Variants in ARMH3 observed in about 807,000 individuals in gnomAD.
ARMH3 encodes the protein armadillo like helical domain containing 3.
A neutral mutation model predicts 99.1 loss-of-function variants in ARMH3; 60 were observed. The ratio of observed to expected loss-of-function variants is 0.61; its 90% CI spans 0.49 to 0.75. The LOEUF is 0.75. Ranked by LOEUF, ARMH3 falls within the 30% of genes least tolerant of loss-of-function variation. The pLI is 0.00. For missense variants in ARMH3, 679 were observed against 843.1 expected (o/e 0.81, Z 2.41); for synonymous variants, 285 against 292.8 (o/e 0.97, Z 0.27).
intron 20 of ARMH3, among the ~76,000 whole-genome samples, chr10:101,963,027 T>C (rs1274086571): frequency 6.6e-6 from 1 of 150,904 alleles, no homozygotes; most frequent in Non-Finnish European, 1.5e-5. Context: ...TGAAGTGCAG[T>C]GGCATGATCT....
chr10:101,957,567 GACC>G (rs911327256), intron 21 of ARMH3, 80 bp downstream of exon 21: 10 of 1,461,596 alleles, frequency 6.8e-6, no homozygotes, highest in Non-Finnish European at 9.2e-6. Context: ...TTAGTCCCCA[GACC>G]ACCAGCTCCT....
chr10:101,867,009 G>T (rs1472170599), intron 24 of ARMH3, among the ~76,000 whole-genome samples: 2 of 152,212 alleles, frequency 1.3e-5, no homozygotes, highest in Non-Finnish European at 2.9e-5. Context: ...ACATTTATTA[G>T]TAAGGAAGGA....
intron 22 of ARMH3, among the ~76,000 whole-genome samples, chr10:101,954,986 T>A (rs1037396287): frequency 6.6e-6 from 1 of 152,204 alleles, no homozygotes; most frequent in Non-Finnish European, 1.5e-5. Context: ...TCTTTCCTTT[T>A]CTCGTTGAAA....
At chr10:101,869,113 G>A (rs1302239441) in intron 24 of ARMH3, among the ~76,000 whole-genome samples, 1 of 151,536 alleles carries the variant, frequency 6.6e-6, no homozygotes, top group Non-Finnish European at 1.5e-5. Context: ...GTCAATAGTA[G>A]GCTATTAGCA....
chr10:101,892,944 T>C (rs2067729256), intron 23 of ARMH3, among the ~76,000 whole-genome samples: 1 of 152,210 alleles, frequency 6.6e-6, no homozygotes, highest in Admixed American at 6.5e-5. Context: ...AGATAATATC[T>C]GCAAGTTAAG....
intron 14 of ARMH3, among the ~76,000 whole-genome samples, chr10:102,005,184 G>A (rs966505401): frequency 1.3e-5 from 2 of 151,932 alleles, no homozygotes; most frequent in Non-Finnish European, 2.9e-5. Flanking sequence ...GCAACAGTGC[G>A]AGACTCCGTC....
chr10:101,985,120 T>C (rs924218967), intron 19 of ARMH3, among the ~76,000 whole-genome samples: 47 of 149,538 alleles, frequency 3.1e-4, no homozygotes, highest in African/African-American at 1.1e-3. Flanking sequence ...CACGTGTACA[T>C]ATATATACAC....
chr10:101,952,557 G>A (rs1844839987), intron 22 of ARMH3: 1 of 151,934 alleles, frequency 6.6e-6, no homozygotes, highest in South Asian at 2.1e-4. Flanking sequence ...GAAAAGAAAA[G>A]AAAAGAAAGA....
chr10:101,856,181 G>A (rs1019144038), intron 24 of ARMH3, among the ~76,000 whole-genome samples: 3 of 152,048 alleles, frequency 2.0e-5, no homozygotes, highest in Non-Finnish European at 4.4e-5. Context: ...GCTCCTTAGG[G>A]CTCCAGGGTT....
chr10:101,994,540 T>G (rs140318984), intron 16 of ARMH3, among the ~76,000 whole-genome samples: 2 of 152,224 alleles, frequency 1.3e-5, no homozygotes, highest in Non-Finnish European at 2.9e-5. Context: ...CATGCCTGTG[T>G]GTCACCAAGA....
intron 1 of ARMH3, among the ~76,000 whole-genome samples, chr10:102,042,133 CAT>C (rs1368039938): frequency 1.3e-5 from 2 of 152,194 alleles, no homozygotes; most frequent in African/African-American, 4.8e-5. Flanking sequence ...CTCCATTCAA[CAT>C]GTCTTTTAAA....
intron 14 of ARMH3, among the ~76,000 whole-genome samples, chr10:102,002,733 G>C (rs1203196302): frequency 6.6e-6 from 1 of 151,964 alleles, no homozygotes; most frequent in Non-Finnish European, 1.5e-5. Context: ...GCCCGAGTTG[G>C]GCACATCACC....
At chr10:101,917,309 T>C (rs562187659) in intron 23 of ARMH3, among the ~76,000 whole-genome samples, 2 of 152,298 alleles carry the variant, frequency 1.3e-5, no homozygotes, top group South Asian at 4.1e-4. Context: ...CCTGTCCCTA[T>C]AGTTTTGCCA....
chr10:101,908,757 G>A (rs530237516), intron 23 of ARMH3, among the ~76,000 whole-genome samples: 5 of 149,402 alleles, frequency 3.3e-5, no homozygotes, highest in East Asian at 2.0e-4. Context: ...TCCGCCTCCC[G>A]AGTTCAAGCG....
intron 23 of ARMH3, among the ~76,000 whole-genome samples, chr10:101,934,284 G>A (rs1843853503): frequency 6.6e-6 from 1 of 152,146 alleles, no homozygotes; most frequent in South Asian, 2.1e-4. Context: ...GTGTTTTTTA[G>A]GGTGAAAGAA....
intron 1 of ARMH3, 86 bp from the exon 2 acceptor site, chr10:102,040,211 G>T: frequency 8.6e-7 from 1 of 1,163,470 alleles, no homozygotes. Flanking sequence ...ATTTGTCCAA[G>T]CCCATAGAAT....
Position 101,961,279 on chromosome 10 carries a change from C to T in ARMH3, c.1496-3547G>A, listed in dbSNP as rs564230959. On this transcript the variant is annotated intron_variant, in intron 20 of 25. Transcript: ENST00000370033. Reference sequence around the variant, plus strand: ...ATCTACATCTCAGCTCTCACCTCCACCTCTCTATCCCTTGTGGCTGCTTGC... The same window carrying T: ...ATCTACATCTCAGCTCTCACCTCCATCTCTCTATCCCTTGTGGCTGCTTGC... Among the ~76,000 whole-genome samples, 6 of 152,210 alleles carry T rather than the reference C, an allele frequency of 3.9e-5. No individual in the cohort carries two copies. In the South Asian group the frequency reaches 1.2e-3, roughly 32 times the overall value.
chr10:102,038,762 G>A (rs1293351150), intron 2 of ARMH3, among the ~76,000 whole-genome samples: 1 of 149,546 alleles, frequency 6.7e-6, no homozygotes, highest in Non-Finnish European at 1.5e-5. Flanking sequence ...TTTTTTTTGA[G>A]ATAGGGTCTC....
chr10:102,045,552 G>A (rs75029192), intron 1 of ARMH3, among the ~76,000 whole-genome samples: 191 of 152,320 alleles, frequency 1.3e-3, no homozygotes, highest in Admixed American at 3.0e-3. Context: ...TGCACTTGGC[G>A]TGTTCAGGAA....
Sources: gnomAD v4.1 joint callset for allele counts (sites outside exome capture counted in the v4.1 genomes callset) on GRCh38, gnomAD v4.1.1 for gene constraint, MANE v1.5 for transcripts, NCBI Gene and HGNC (gene_info 2026-07-23, HGNC 2026-07-21) for gene names.